Variants in TNRC6A observed in about 807,000 individuals in gnomAD.
TNRC6A encodes trinucleotide repeat containing adaptor 6A.
TNRC6A carries 44 observed loss-of-function variants against 221.2 expected under a neutral mutation model. The ratio of observed to expected loss-of-function variants is 0.20; its 90% CI spans 0.16 to 0.26. The LOEUF (loss-of-function observed/expected upper bound fraction) is 0.26. TNRC6A is among the 10% of genes least tolerant of loss of function. The pLI is 1.00. For synonymous variants in TNRC6A, 847 were observed against 838.5 expected, an observed-to-expected ratio of 1.01 and a Z score of -0.18; for missense variants, 2,199 against 2,404.4, an observed-to-expected ratio of 0.91 and a Z score of 1.79.
At position 24,811,943 on chromosome 16, in the gene TNRC6A, A is replaced by C. The variant is rs2058551299; in HGVS notation, c.4672+2462A>C. 2.0e-5 allele frequency among the ~76,000 whole-genome samples: 3 copies of C among 150,980 alleles called. No individual in the cohort carries two copies. The South Asian group carries it at 6.3e-4, about 32-fold the overall frequency. ...GAAATTAAAATTGTCGTGTAATAGA[A>C]GGAACCGCTAGACCATAAACCAAAC... On this transcript the variant is annotated intron_variant, in intron 18 of 24. Transcript: ENST00000395799.
chr16:24,625,834 C>A (rs958442545), intron 1 of TNRC6A, among the ~76,000 whole-genome samples: 2 of 151,596 alleles, frequency 1.3e-5, no homozygotes, highest in Non-Finnish European at 2.9e-5. Flanking sequence ...ATTGCTTGAA[C>A]CTAGGAGGCG....
At chr16:24,730,209 G>A (rs2056595840) in intron 1 of TNRC6A, 44 bp from the exon 2 acceptor site, 1 of 1,572,824 alleles carries the variant, frequency 6.4e-7, no homozygotes, top group Non-Finnish European at 8.6e-7. Context: ...TCGTTTTTGT[G>A]TGTGTGTTTT....
Position 24,717,982 on chromosome 16 carries a change from T to G in TNRC6A, n.403-32744T>G, listed in dbSNP as rs990807502. Among the ~76,000 whole-genome samples, 4 of 152,150 alleles carry G rather than the reference T, an allele frequency of 2.6e-5. 1 individual carries two copies. The East Asian group carries it at 7.7e-4, about 29-fold the overall frequency. ...TTAGTAGAGACAGGGTTTCCCATGT[T>G]GGCCAGGCTGGTCTCGAACTCCTGA... On this transcript the variant is annotated intron_variant and non_coding_transcript_variant, in intron 2 of 2. Coordinates refer to the TNRC6A transcript ENST00000566108.
intron 1 of TNRC6A, among the ~76,000 whole-genome samples, chr16:24,623,492 A>T (rs1414620983): frequency 6.6e-6 from 1 of 152,110 alleles, no homozygotes; most frequent in Non-Finnish European, 1.5e-5. Flanking sequence ...TTCTTCATGT[A>T]TCAGCTGGGC....
At chr16:24,734,292 TTCA>T (rs1210310452) in intron 2 of TNRC6A, among the ~76,000 whole-genome samples, 4 of 152,202 alleles carry the variant, frequency 2.6e-5, no homozygotes, top group Admixed American at 2.6e-4. Context: ...CATAGGAATC[TTCA>T]TCATGGGTGA....
chr16:24,809,341 AT>A lies in TNRC6A; in HGVS notation c.4541-4del, dbSNP rs778484079. 2 of 1,500,938 alleles carry A rather than the reference AT, an allele frequency of 1.3e-6. No homozygotes were observed. Among genetic ancestry groups the A allele is most frequent in the African/African-American group, 1.4e-5 (1 of 71,924 alleles). The allele number at this position is 1,500,938 out of a possible 1,614,324, so 93.0% of individuals were successfully genotyped here. A position where few individuals can be genotyped will look rare whatever the true frequency, so the allele number is the denominator to read the frequency against. On this transcript the variant is annotated splice_region_variant and splice_polypyrimidine_tract_variant and intron_variant, in intron 17 of 24. Transcript: ENST00000395799. ...TTCTAAGGTTTTGTTTTGTTTTTTA[AT>A]TTTTCAGGCTTGAACTCAAACTTGA...
intron 2 of TNRC6A, among the ~76,000 whole-genome samples, chr16:24,744,528 A>T (rs1353990225): frequency 6.6e-6 from 1 of 152,136 alleles, no homozygotes; most frequent in Admixed American, 6.5e-5. Flanking sequence ...GTATGGACCC[A>T]TGGGTTCTTA....
intron 1 of TNRC6A, among the ~76,000 whole-genome samples, chr16:24,615,792 G>C (rs1372726248): frequency 6.6e-6 from 1 of 152,170 alleles, no homozygotes; most frequent in Non-Finnish European, 1.5e-5. Context: ...TCAGGAAGCT[G>C]AGGTAAGAGG....
At chr16:24,684,680 T>C (rs1596490258) in intron 2 of TNRC6A, among the ~76,000 whole-genome samples, 1 of 151,404 alleles carries the variant, frequency 6.6e-6, no homozygotes, top group African/African-American at 2.4e-5. Flanking sequence ...GTGACAGTTG[T>C]CTTTAGTCCC....
intron 2 of TNRC6A, among the ~76,000 whole-genome samples, chr16:24,713,779 T>C (rs1440462428): frequency 6.6e-6 from 1 of 152,144 alleles, no homozygotes; most frequent in African/African-American, 2.4e-5. Flanking sequence ...CCTGAGTAGC[T>C]GGGACTACAG....
intron 2 of TNRC6A, among the ~76,000 whole-genome samples, chr16:24,645,000 G>A (rs775288230): frequency 6.6e-6 from 1 of 152,128 alleles, no homozygotes; most frequent in African/African-American, 2.4e-5. Context: ...TACACTTACA[G>A]TACAGCTGTC....
At chr16:24,775,154 G>A (rs963733243) in intron 4 of TNRC6A, among the ~76,000 whole-genome samples, 11 of 152,102 alleles carry the variant, frequency 7.2e-5, no homozygotes, top group African/African-American at 2.7e-4. Flanking sequence ...TACTGCATGA[G>A]GTACACGAAG....
intron 21 of TNRC6A, among the ~76,000 whole-genome samples, chr16:24,819,920 C>T (rs1423540884): frequency 6.6e-6 from 1 of 152,178 alleles, no homozygotes; most frequent in Non-Finnish European, 1.5e-5. Context: ...ATAGGTCTTA[C>T]AGCTGTTAGT....
At chr16:24,664,022 G>T (rs1262433189) in intron 2 of TNRC6A, 1 of 446,848 alleles carries the variant, frequency 2.2e-6, no homozygotes, top group Non-Finnish European at 4.5e-6. Context: ...GAACAGAAGA[G>T]AAGGGGAAAT....
At chr16:24,819,346 G>A (rs192982724) in intron 21 of TNRC6A, among the ~76,000 whole-genome samples, 1 of 152,194 alleles carries the variant, frequency 6.6e-6, no homozygotes, top group African/African-American at 2.4e-5. Flanking sequence ...GTGGTTTACT[G>A]TGTACCTGGT....
At chr16:24,721,477 T>C (rs1041321294) in intron 2 of TNRC6A, among the ~76,000 whole-genome samples, 1 of 152,026 alleles carries the variant, frequency 6.6e-6, no homozygotes, top group Non-Finnish European at 1.5e-5. Flanking sequence ...GAGACTAGCC[T>C]GGGCAACATG....
At chr16:24,612,002 G>A (rs868062548) in intron 1 of TNRC6A, among the ~76,000 whole-genome samples, 1 of 152,152 alleles carries the variant, frequency 6.6e-6, no homozygotes, top group Non-Finnish European at 1.5e-5. Context: ...GCTGAGGCAC[G>A]AGAATCGCTT....
At chr16:24,764,070 C>T (rs748664681) in intron 4 of TNRC6A, among the ~76,000 whole-genome samples, 12 of 152,054 alleles carry the variant, frequency 7.9e-5, no homozygotes, top group South Asian at 6.2e-4. Context: ...TACCCACATA[C>T]GTGCAACTTT....
At chr16:24,636,168 T>C (rs573535293) in intron 1 of TNRC6A, among the ~76,000 whole-genome samples, 3 of 152,364 alleles carry the variant, frequency 2.0e-5, no homozygotes, top group East Asian at 3.8e-4. Context: ...GAATGTGTGC[T>C]GGATTCTTTC....
Sources: gnomAD v4.1 joint callset for allele counts (sites outside exome capture counted in the v4.1 genomes callset) on GRCh38, gnomAD v4.1.1 for gene constraint, MANE v1.5 for transcripts, NCBI Gene and HGNC (gene_info 2026-07-23, HGNC 2026-07-21) for gene names.